The following SLC2A13 variants were observed in gnomAD, a reference collection of about 807,000 sequenced individuals.
SLC2A13 encodes solute carrier family 2 member 13.
In SLC2A13, 32 loss-of-function variants were observed where a neutral mutation model predicts 64.4. That is an observed-to-expected ratio of 0.50 (90% confidence interval 0.37 to 0.67). SLC2A13 has a LOEUF of 0.67. Among genes scored for constraint, SLC2A13 ranks in the 30% least tolerant of loss-of-function variants. SLC2A13 has a pLI of 0.00. For missense variants in SLC2A13, 743 were observed against 829.2 expected, an observed-to-expected ratio of 0.90 and a Z score of 1.28; for synonymous variants, 338 against 327.1, an observed-to-expected ratio of 1.03 and a Z score of -0.36.
At chr12:39,790,299 T>C (rs1013302602) in intron 7 of SLC2A13, among the ~76,000 whole-genome samples, 9 of 151,676 alleles carry the variant, frequency 5.9e-5, no homozygotes, top group East Asian at 3.9e-4. Flanking sequence ...ATACATGTGC[T>C]GTGCTGGTGC....
At position 39,978,615 on chromosome 12, in the gene SLC2A13, T is replaced by C. The variant is rs959160251; in HGVS notation, c.926-27250A>G. On this transcript the variant is annotated intron_variant, in intron 3 of 9. Coordinates refer to ENST00000280871, the MANE Select transcript of SLC2A13 (RefSeq NM_052885.4). The stretch of plus-strand genomic sequence containing the variant: ...CACCCGAATATGGCGCTTTTCAGAC[T>C]GGCTTAAAAAACGGCGCACCACGCG... 9.9e-5 allele frequency among the ~76,000 whole-genome samples: 15 copies of C among 152,096 alleles called. 1 individual carries two copies. The highest frequency in any genetic ancestry group is 3.6e-4 in the African/African-American group (15 of 41,406).
intron 1 of SLC2A13, among the ~76,000 whole-genome samples, chr12:40,100,070 C>A (rs1687033539): frequency 6.6e-6 from 1 of 152,002 alleles, no homozygotes; most frequent in African/African-American, 2.4e-5. Context: ...TTCATTTGCA[C>A]TGAGGAAGAA....
chr12:40,005,295 T>A (rs901750891), intron 3 of SLC2A13, among the ~76,000 whole-genome samples: 1 of 152,188 alleles, frequency 6.6e-6, no homozygotes, highest in Non-Finnish European at 1.5e-5. Context: ...TGAAGTTCAT[T>A]TGAAGTGTCC....
intron 6 of SLC2A13, among the ~76,000 whole-genome samples, chr12:39,863,789 C>T (rs187044687): frequency 7.0e-4 from 106 of 152,186 alleles, no homozygotes; most frequent in African/African-American, 2.5e-3. Context: ...AATTTGGAAC[C>T]AATATATCTT....
chr12:39,831,969 T>A (rs1208558879), intron 6 of SLC2A13, among the ~76,000 whole-genome samples: 1 of 152,158 alleles, frequency 6.6e-6, no homozygotes, highest in South Asian at 2.1e-4. Context: ...AAAAACAGAC[T>A]AACACAACTG....
intron 7 of SLC2A13, among the ~76,000 whole-genome samples, chr12:39,767,359 C>CTA (rs1422749986): frequency 6.7e-6 from 1 of 150,274 alleles, no homozygotes; most frequent in African/African-American, 2.5e-5. Context: ...ATTCTCCAAA[C>CTA]TATGCTGTAA....
At chr12:39,799,208 G>A (rs1007785610) in intron 7 of SLC2A13, among the ~76,000 whole-genome samples, 1 of 148,906 alleles carries the variant, frequency 6.7e-6, no homozygotes, top group Non-Finnish European at 1.5e-5. Flanking sequence ...TTCTACCTTG[G>A]ACTCTCGAGT....
intron 1 of SLC2A13, among the ~76,000 whole-genome samples, chr12:40,075,634 T>C (rs889222740): frequency 6.6e-6 from 1 of 152,192 alleles, no homozygotes; most frequent in Non-Finnish European, 1.5e-5. Context: ...TGTAAGTTTA[T>C]GTCTTTCACC....
At chr12:39,915,735 A>G (rs1157412339) in intron 4 of SLC2A13, among the ~76,000 whole-genome samples, 2 of 151,948 alleles carry the variant, frequency 1.3e-5, no homozygotes, top group Admixed American at 1.3e-4. Flanking sequence ...CATCAAAGTG[A>G]TGACTGAGGC....
chr12:39,888,476 C>T (rs1043209598), intron 4 of SLC2A13, among the ~76,000 whole-genome samples: 6 of 152,204 alleles, frequency 3.9e-5, no homozygotes, highest in African/African-American at 9.7e-5. Flanking sequence ...CCACCGTCCT[C>T]GGCCTCCCAA....
intron 3 of SLC2A13, among the ~76,000 whole-genome samples, chr12:39,984,105 C>T (rs1238176921): frequency 6.6e-6 from 1 of 151,386 alleles, no homozygotes; most frequent in East Asian, 1.9e-4. Context: ...CACATATTCT[C>T]ACTCATAGGT....
intron 7 of SLC2A13, among the ~76,000 whole-genome samples, chr12:39,822,425 G>T (rs567302825): frequency 1.3e-5 from 2 of 151,996 alleles, no homozygotes; most frequent in Non-Finnish European, 2.9e-5. Flanking sequence ...TCTAAATAAG[G>T]CTCTTTAACC....
At chr12:39,890,450 C>T (rs1592245983) in intron 4 of SLC2A13, among the ~76,000 whole-genome samples, 1 of 152,272 alleles carries the variant, frequency 6.6e-6, no homozygotes, top group Non-Finnish European at 1.5e-5. Flanking sequence ...TTAAATGTTG[C>T]TCATCAATTG....
intron 4 of SLC2A13, among the ~76,000 whole-genome samples, chr12:39,916,251 C>T (rs1327569271): frequency 6.6e-6 from 1 of 151,834 alleles, no homozygotes; most frequent in Non-Finnish European, 1.5e-5. Context: ...TAGAAAAAGA[C>T]TGAACATAAT....
intron 3 of SLC2A13, among the ~76,000 whole-genome samples, chr12:39,956,246 A>G (rs1439163348): frequency 6.6e-6 from 1 of 152,144 alleles, no homozygotes; most frequent in Non-Finnish European, 1.5e-5. Context: ...CGTTCCCCCA[A>G]AGAAAACTCT....
intron 3 of SLC2A13, among the ~76,000 whole-genome samples, chr12:40,018,474 G>A (rs982903666): frequency 6.6e-6 from 1 of 152,126 alleles, no homozygotes; most frequent in Non-Finnish European, 1.5e-5. Context: ...GATGAAATAC[G>A]ATTTTTCCTA....
chr12:39,837,685 T>C (rs1010834792), intron 6 of SLC2A13, among the ~76,000 whole-genome samples: 1 of 151,868 alleles, frequency 6.6e-6, no homozygotes, highest in African/African-American at 2.4e-5. Flanking sequence ...GCGAAGGACA[T>C]GAACAGACAC....
Position 39,938,106 on chromosome 12 carries a change from C to T in SLC2A13, c.1034+13151G>A, listed in dbSNP as rs552380781. Among the ~76,000 whole-genome samples the T allele has an allele frequency of 5.3e-5, 8 of 152,260 alleles. No individual in the cohort carries two copies. The South Asian group carries it at 6.2e-4, about 12-fold the overall frequency. ...GTGGGATGTTTCTGCTTTCCACAAA[C>T]GCCTGGGACTTTATAAACTGCAGTA... On this transcript the variant is annotated intron_variant, in intron 4 of 9. Coordinates refer to ENST00000280871, the MANE Select transcript of SLC2A13 (RefSeq NM_052885.4).
chr12:39,885,733 T>C (rs144198513), intron 4 of SLC2A13, among the ~76,000 whole-genome samples: 30 of 152,338 alleles, frequency 2.0e-4, no homozygotes, highest in African/African-American at 6.0e-4. Flanking sequence ...TACTAGCTGC[T>C]AAAACATTTA....
Sources: gnomAD v4.1 joint callset for allele counts (sites outside exome capture counted in the v4.1 genomes callset) on GRCh38, gnomAD v4.1.1 for gene constraint, MANE v1.5 for transcripts, NCBI Gene and HGNC (gene_info 2026-07-23, HGNC 2026-07-21) for gene names.